The following EHMT1 variants were observed in gnomAD, a reference collection of about 807,000 sequenced individuals.
EHMT1 encodes the protein histone-lysine N-methyltransferase EHMT1.
Under a neutral mutation model 147.2 loss-of-function variants are expected in EHMT1, and 15 were observed. That is an observed-to-expected ratio of 0.10 (90% confidence interval 0.07 to 0.16). The LOEUF is 0.16. EHMT1 is among the 10% of genes least tolerant of loss of function. The pLI is 1.00. For synonymous variants in EHMT1, 795 were observed against 709.6 expected, an observed-to-expected ratio of 1.12 and a Z score of -1.91; for missense variants, 1,587 against 1,772.4, an observed-to-expected ratio of 0.90 and a Z score of 1.88.
chr9:137,662,589 T>C (rs1401951371), intron 1 of EHMT1, among the ~76,000 whole-genome samples: 4 of 152,108 alleles, frequency 2.6e-5, no homozygotes, highest in Non-Finnish European at 4.4e-5. Flanking sequence ...AACCTCCGCC[T>C]CCCAGGTTCA....
intron 15 of EHMT1, among the ~76,000 whole-genome samples, chr9:137,783,739 G>A (rs914820882): frequency 6.6e-6 from 1 of 152,186 alleles, no homozygotes; most frequent in Non-Finnish European, 1.5e-5. Context: ...CCAAGAAGGA[G>A]AGAGCGACGG....
At chr9:137,674,112 G>A (rs1476831117) in intron 1 of EHMT1, among the ~76,000 whole-genome samples, 5 of 152,180 alleles carry the variant, frequency 3.3e-5, no homozygotes, top group African/African-American at 4.8e-5. Context: ...GCAGGGAGAC[G>A]TTCTAAAACA....
intron 1 of EHMT1, among the ~76,000 whole-genome samples, chr9:137,632,125 G>T (rs1843672278): frequency 6.6e-6 from 1 of 152,218 alleles, no homozygotes; most frequent in Non-Finnish European, 1.5e-5. Flanking sequence ...GCACAGTGAT[G>T]AAATCACCTG....
At chr9:137,751,585 C>G (rs918667188) in intron 6 of EHMT1, among the ~76,000 whole-genome samples, 1 of 152,186 alleles carries the variant, frequency 6.6e-6, no homozygotes, top group East Asian at 1.9e-4. Flanking sequence ...CGGAGACTCA[C>G]GTATGTTTCA....
At chr9:137,804,446 A>G (rs184714728) in intron 18 of EHMT1, among the ~76,000 whole-genome samples, 76 of 152,314 alleles carry the variant, frequency 5.0e-4, no homozygotes, top group African/African-American at 1.7e-3. Flanking sequence ...TGTCTGTTCA[A>G]ATATTTTTCT....
chr9:137,823,249 C>T (rs537986047), intron 25 of EHMT1, among the ~76,000 whole-genome samples: 2 of 151,860 alleles, frequency 1.3e-5, no homozygotes, highest in South Asian at 2.1e-4. Context: ...CAGGCGCCCA[C>T]CACCACGCCC....
chr9:137,799,444 C>T (rs1368139397), intron 17 of EHMT1, among the ~76,000 whole-genome samples: 2 of 152,336 alleles, frequency 1.3e-5, no homozygotes, highest in African/African-American at 4.8e-5. Context: ...GCAGGGTTTG[C>T]CATGCATGTG....
At chr9:137,708,603 A>G (rs563429893) in intron 1 of EHMT1, among the ~76,000 whole-genome samples, 1 of 152,386 alleles carries the variant, frequency 6.6e-6, no homozygotes, top group Admixed American at 6.5e-5. Context: ...ATAAATATGG[A>G]GAAACTTTCA....
intron 1 of EHMT1, among the ~76,000 whole-genome samples, chr9:137,673,533 G>T (rs1413769842): frequency 2.0e-5 from 3 of 152,106 alleles, no homozygotes; most frequent in African/African-American, 7.2e-5. Flanking sequence ...TGAAGCTCCG[G>T]CCTCGAGGAT....
At chr9:137,756,088 G>C (rs1949355415) in intron 8 of EHMT1, among the ~76,000 whole-genome samples, 1 of 152,184 alleles carries the variant, frequency 6.6e-6, no homozygotes, top group Admixed American at 6.5e-5. Context: ...TACTTGGGGG[G>C]TTCATGCTTT....
chr9:137,779,382 C>T (rs937167645), intron 13 of EHMT1, among the ~76,000 whole-genome samples: 6 of 152,384 alleles, frequency 3.9e-5, no homozygotes, highest in Non-Finnish European at 7.3e-5. Context: ...TGTTCTCCTG[C>T]GGTGACTGGG....
chr9:137,733,395 T>C (rs1044407821), intron 4 of EHMT1, among the ~76,000 whole-genome samples: 6 of 152,164 alleles, frequency 3.9e-5, no homozygotes, highest in African/African-American at 1.4e-4. Context: ...AGAAAGATAG[T>C]GGGGCAGGAA....
At chr9:137,667,811 A>T (rs1939847899) in intron 1 of EHMT1, among the ~76,000 whole-genome samples, 2 of 152,300 alleles carry the variant, frequency 1.3e-5, no homozygotes, top group South Asian at 4.1e-4. Context: ...TGCTTATCAC[A>T]CGGGTCTGGC....
At chr9:137,762,102 G>GAGCTCTAT (rs1949871465) in intron 9 of EHMT1, among the ~76,000 whole-genome samples, 1 of 152,250 alleles carries the variant, frequency 6.6e-6, no homozygotes, top group Admixed American at 6.5e-5. Flanking sequence ...TGCTGTCATT[G>GAGCTCTAT]TCAGCTGCAT....
At chr9:137,796,468 G>A (rs1470319657) in intron 16 of EHMT1, among the ~76,000 whole-genome samples, 1 of 152,138 alleles carries the variant, frequency 6.6e-6, no homozygotes, top group Non-Finnish European at 1.5e-5. Flanking sequence ...ACTTTGGGAG[G>A]CTGAGGCGGG....
At chr9:137,631,592 A>C (rs998437691) in intron 1 of EHMT1, among the ~76,000 whole-genome samples, 3 of 151,684 alleles carry the variant, frequency 2.0e-5, no homozygotes, top group Admixed American at 6.6e-5. Flanking sequence ...GATTAGAATG[A>C]AGGTCAGGCG....
intron 1 of EHMT1, among the ~76,000 whole-genome samples, chr9:137,632,159 C>T (rs1314806799): frequency 6.6e-6 from 1 of 152,200 alleles, no homozygotes; most frequent in Non-Finnish European, 1.5e-5. Context: ...CCGAATGTAT[C>T]CCCCTCATTC....
At chr9:137,722,181 C>T (rs1946126802) in intron 3 of EHMT1, among the ~76,000 whole-genome samples, 1 of 152,128 alleles carries the variant, frequency 6.6e-6, no homozygotes, top group Admixed American at 6.5e-5. Context: ...GTCCTACTTC[C>T]AGGATTTTAT....
intron 16 of EHMT1, chr9:137,792,302 C>T (rs1952585618): frequency 3.1e-6 from 1 of 321,218 alleles, no homozygotes; most frequent in Non-Finnish European, 6.3e-6. Flanking sequence ...TTACAAAGAC[C>T]ATTCAATGGG....
Sources: allele counts gnomAD v4.1 joint callset (sites outside exome capture counted in the v4.1 genomes callset), GRCh38; gene constraint gnomAD v4.1.1; transcripts MANE v1.5; gene names NCBI Gene and HGNC (gene_info 2026-07-23, HGNC 2026-07-21).